Variants in INSYN2A observed in about 807,000 individuals in gnomAD.
The protein encoded by INSYN2A is family with sequence similarity 196 member A.
Under a neutral mutation model 39.4 loss-of-function variants are expected in INSYN2A, and 17 were observed. The ratio of observed to expected loss-of-function variants is 0.43; its 90% CI spans 0.30 to 0.65. The LOEUF is 0.65. Among genes scored for constraint, INSYN2A ranks in the 30% least tolerant of loss-of-function variants. The pLI, the probability that INSYN2A is intolerant of heterozygous loss-of-function variation, is 0.14. For synonymous variants in INSYN2A, 255 were observed against 265.7 expected (o/e 0.96, Z 0.39); for missense variants, 595 against 631.2 (o/e 0.94, Z 0.61).
chr10:127,143,117 G>A (rs913499594), intron 5 of INSYN2A, among the ~76,000 whole-genome samples: 17 of 152,158 alleles, frequency 1.1e-4, no homozygotes, highest in Non-Finnish European at 7.3e-5. Flanking sequence ...CTCAGGCCCT[G>A]CCACAGTTTC....
intron 5 of INSYN2A, among the ~76,000 whole-genome samples, chr10:127,152,701 G>A (rs1031171038): frequency 6.6e-6 from 1 of 152,226 alleles, no homozygotes; most frequent in Non-Finnish European, 1.5e-5. Context: ...CTCAGTTGTG[G>A]CAACTGAAAA....
chr10:127,174,898 A>T (rs1340563515), intron 4 of INSYN2A, among the ~76,000 whole-genome samples: 1 of 152,142 alleles, frequency 6.6e-6, no homozygotes, highest in Non-Finnish European at 1.5e-5. Context: ...GTTGTTATAC[A>T]TTATCAATAT....
chr10:127,143,582 T>C (rs1160580298), intron 5 of INSYN2A, among the ~76,000 whole-genome samples: 1 of 152,154 alleles, frequency 6.6e-6, no homozygotes, highest in East Asian at 1.9e-4. Flanking sequence ...TGTGTAGCTT[T>C]GGGTAGGACC....
chr10:127,148,324 TTGCAAC>T (rs1223525732), intron 5 of INSYN2A, among the ~76,000 whole-genome samples: 1 of 152,334 alleles, frequency 6.6e-6, no homozygotes, highest in African/African-American at 2.4e-5. Context: ...CACTCAGGGC[TTGCAAC>T]TGATGGTAGG....
Position 127,137,449 on chromosome 10 carries a change from T to TA in INSYN2A, c.*387dup, listed in dbSNP as rs902240092. On this transcript the variant is annotated 3_prime_UTR_variant, in exon 6 of 6. Transcript: ENST00000522781. ...AGGCTTGCTTTTTCTTCTCATTATT[T>TA]AAAAAAAAAATCAAGGCTTGAAAAT... 5.2e-4 allele frequency: 84 copies of TA among 160,116 alleles called. No individual in the cohort carries two copies. Among genetic ancestry groups the TA allele is most frequent in the Non-Finnish European group, 7.8e-4 (58 of 74,180 alleles). 9.9% of individuals were successfully genotyped at this position (160,116 alleles called of 1,614,324 possible).
intron 2 of INSYN2A, among the ~76,000 whole-genome samples, chr10:127,184,517 C>T (rs181147131): frequency 1.2e-4 from 18 of 145,522 alleles, no homozygotes; most frequent in South Asian, 2.4e-4. Flanking sequence ...TCCTGCTAGT[C>T]TTGGCTTCAA....
At position 127,176,470 on chromosome 10, in the gene INSYN2A, C is replaced by G. The variant is rs1008018658; in HGVS notation, c.-5-70G>C. ...CACACTCAAGCACCGGCCGCACAAA[C>G]TTTTAGCCACCACGACGACTGCCTG... On this transcript the variant is annotated intron_variant, in intron 3 of 5. Coordinates refer to ENST00000522781, the MANE Select transcript of INSYN2A (RefSeq NM_001039762.3). The surrounding 1 kb of genome is among the most constrained non-coding windows in gnomAD (Gnocchi z 4.4). The G allele has an allele frequency of 4.6e-6, 6 of 1,302,096 alleles. No individual in the cohort carries two copies. The highest frequency in any genetic ancestry group is 4.2e-6 in the Non-Finnish European group (4 of 947,978). The allele number at this position is 1,302,096 out of a possible 1,614,324, so 80.7% of individuals were successfully genotyped here. A position where few individuals can be genotyped will look rare whatever the true frequency, so the allele number is the denominator to read the frequency against.
In INSYN2A at chr10:127,158,210, C is replaced by T. The variant is rs542686605; in HGVS notation, c.1185-4287G>A. Among the ~76,000 whole-genome samples the T allele has an allele frequency of 5.3e-5, 8 of 152,258 alleles. No individual in the cohort carries two copies. In the East Asian group the frequency reaches 9.6e-4, roughly 18 times the overall value. On this transcript the variant is annotated intron_variant, in intron 4 of 5. Coordinates refer to ENST00000522781, the MANE Select transcript of INSYN2A (RefSeq NM_001039762.3). Reference sequence around the variant, plus strand: ...TGGAATTTCCCTATTTTTTCCTTCTCAACTTGGAAACACATCAGAAAACAG... The same window carrying T: ...TGGAATTTCCCTATTTTTTCCTTCTTAACTTGGAAACACATCAGAAAACAG...
chr10:127,142,505 A>G (rs909541243), intron 5 of INSYN2A, among the ~76,000 whole-genome samples: 22 of 152,262 alleles, frequency 1.4e-4, no homozygotes, highest in African/African-American at 5.1e-4. Flanking sequence ...GATTCTTGAG[A>G]TTCAAAGCAT....
chr10:127,144,171 C>T (rs1246832573), intron 5 of INSYN2A, among the ~76,000 whole-genome samples: 3 of 152,172 alleles, frequency 2.0e-5, no homozygotes, highest in Non-Finnish European at 4.4e-5. Context: ...GTATTCTCTC[C>T]CTCTCCAGTT....
rs181701713 is a variant in INSYN2A at position 127,152,787 on chromosome 10, C to T, written c.1256+1065G>A. Among the ~76,000 whole-genome samples, 82 of 152,334 alleles carry T rather than the reference C, an allele frequency of 5.4e-4. No individual in the cohort carries two copies. The Middle Eastern group carries it at 0.01, about 19-fold the overall frequency. On this transcript the variant is annotated intron_variant, in intron 5 of 5. Coordinates refer to ENST00000522781, the MANE Select transcript of INSYN2A (RefSeq NM_001039762.3). Reference sequence around the variant, plus strand: ...TTAAGGAATGTGCTGATGTGGCCTTCGGTGCCTATCTCTACCTGTGGTTTC... The same window carrying T: ...TTAAGGAATGTGCTGATGTGGCCTTTGGTGCCTATCTCTACCTGTGGTTTC...
At chr10:127,167,684 AAAAC>A (rs1019280970) in intron 4 of INSYN2A, among the ~76,000 whole-genome samples, 3 of 152,072 alleles carry the variant, frequency 2.0e-5, no homozygotes, top group African/African-American at 7.2e-5. Flanking sequence ...AGGGTGAACT[AAAAC>A]AAAATCCAGG....
At chr10:127,162,451 A>G (rs1428516082) in intron 4 of INSYN2A, among the ~76,000 whole-genome samples, 1 of 152,194 alleles carries the variant, frequency 6.6e-6, no homozygotes, top group African/African-American at 2.4e-5. Flanking sequence ...GGCAACCTCA[A>G]CACAAATTAC....
intron 4 of INSYN2A, among the ~76,000 whole-genome samples, chr10:127,173,307 C>T (rs2054755310): frequency 6.6e-6 from 1 of 152,126 alleles, no homozygotes; most frequent in African/African-American, 2.4e-5. Flanking sequence ...AGACATACAG[C>T]CCTTGCCCAA....
intron 5 of INSYN2A, chr10:127,146,241 T>G (rs1034396105): frequency 4.4e-6 from 1 of 226,098 alleles, no homozygotes; most frequent in Non-Finnish European, 8.9e-6. Flanking sequence ...ATAATTAGCC[T>G]TTCTCTGCTA....
chr10:127,179,384 G>A (rs1429326764), intron 2 of INSYN2A, among the ~76,000 whole-genome samples: 1 of 152,178 alleles, frequency 6.6e-6, no homozygotes, highest in African/African-American at 2.4e-5. Context: ...AAAAATGATG[G>A]TAATACTTAG....
intron 5 of INSYN2A, among the ~76,000 whole-genome samples, chr10:127,141,598 G>A (rs1359302273): frequency 6.6e-6 from 1 of 152,092 alleles, no homozygotes; most frequent in Non-Finnish European, 1.5e-5. Context: ...AGCTACTCGG[G>A]AGGTGGAGGT....
chr10:127,176,332 C>A lies in INSYN2A; in HGVS notation c.64G>T (p.Ala22Ser). The A allele has an allele frequency of 1.2e-6, 2 of 1,613,854 alleles. No homozygotes were observed. The highest frequency in any genetic ancestry group is 1.3e-5 in the African/African-American group (1 of 75,006). ...TTSESEVEPA[A>S]CLALEMKYAL... ...TATTTCATCTCCAGGGCCAGGCAGGCGGCGGGTTCCACTTCACTCTCCGAC... is the reference window on the plus strand; with the variant it reads ...TATTTCATCTCCAGGGCCAGGCAGGAGGCGGGTTCCACTTCACTCTCCGAC... The change falls in exon 4 of 6, where the codon GCC (alanine) becomes TCC (serine). Residue 22 changes from alanine to serine, a missense_variant. By Grantham distance (99) the Ala-to-Ser change is moderately conservative. Around this residue, in one of 2 missense-constraint regions of INSYN2A, gnomAD observed 478 missense variants for 467.4 expected, o/e 1.02. Coordinates refer to ENST00000522781, the MANE Select transcript of INSYN2A (RefSeq NM_001039762.3). This position sits in a 1 kb window ranked among gnomAD's most constrained non-coding sequence, Gnocchi z 4.4.
chr10:127,153,806 T>G (rs1316333147), intron 5 of INSYN2A, 46 bp downstream of exon 5: 4 of 1,425,842 alleles, frequency 2.8e-6, no homozygotes, highest in Non-Finnish European at 4.0e-6. Flanking sequence ...TAAACATCAT[T>G]TGTCACTCAT....
Sources: gnomAD v4.1 joint callset for allele counts (sites outside exome capture counted in the v4.1 genomes callset) on GRCh38, gnomAD v4.1.1 for gene constraint, gnomAD v4.1.1 regional missense constraint, Gnocchi (gnomAD v3.1) non-coding constraint, MANE v1.5 for transcripts, NCBI Gene and HGNC (gene_info 2026-07-23, HGNC 2026-07-21) for gene names.